Variants in RFX4 observed in about 807,000 individuals in gnomAD.
RFX4 encodes the protein transcription factor RFX4.
A neutral mutation model predicts 95.0 loss-of-function variants in RFX4; 10 were observed. That is an observed-to-expected ratio of 0.11 (90% confidence interval 0.06 to 0.18). The LOEUF is 0.18. Ranked by LOEUF, RFX4 falls within the 10% of genes least tolerant of loss-of-function variation. RFX4 has a pLI of 1.00. For synonymous variants in RFX4, 321 were observed against 340.7 expected, an observed-to-expected ratio of 0.94 and a Z score of 0.64; for missense variants, 640 against 922.0, an observed-to-expected ratio of 0.69 and a Z score of 3.96.
Position 106,711,331 on chromosome 12 carries a change from T to C in RFX4, c.935-122T>C, listed in dbSNP as rs2042187922. On this transcript the variant is annotated intron_variant, in intron 9 of 17. Transcript: ENST00000392842. ...TTGCCAGTGGGTACATAAAATGGGA[T>C]TGGGCAGTGAGATAAACGTAGGCAA... 5.0e-6 allele frequency: 4 copies of C among 802,718 alleles called. No individual in the cohort carries two copies. The Admixed American group carries it at 6.1e-5, about 12-fold the overall frequency. The allele number at this position is 802,718 out of a possible 1,614,324, so 49.7% of individuals were successfully genotyped here. A position where few individuals can be genotyped will look rare whatever the true frequency, so the allele number is the denominator to read the frequency against.
At chr12:106,628,357 A>C (rs988612062) in intron 2 of RFX4, among the ~76,000 whole-genome samples, 1 of 152,190 alleles carries the variant, frequency 6.6e-6, no homozygotes, top group African/African-American at 2.4e-5. Context: ...AGCACTTAAC[A>C]TAGTAGGGCC....
intron 2 of RFX4, among the ~76,000 whole-genome samples, chr12:106,628,829 G>A (rs570008628): frequency 1.4e-5 from 2 of 146,568 alleles, no homozygotes; most frequent in African/African-American, 2.5e-5. Flanking sequence ...GTGCCATCTC[G>A]GCTCACTGCA....
intron 1 of RFX4, among the ~76,000 whole-genome samples, chr12:106,605,722 T>A (rs1011195385): frequency 6.6e-6 from 1 of 152,092 alleles, no homozygotes; most frequent in East Asian, 1.9e-4. Context: ...ACAAATGTGG[T>A]TCTTTGATGG....
Position 106,599,834 on chromosome 12 carries a change from A to G in RFX4, c.44-8963A>G, listed in dbSNP as rs571359712. Among the ~76,000 whole-genome samples the G allele has an allele frequency of 3.9e-5, 6 of 152,090 alleles. No homozygotes were observed. In the East Asian group the frequency reaches 9.7e-4, roughly 25 times the overall value. On this transcript the variant is annotated intron_variant, in intron 1 of 17. Coordinates refer to ENST00000392842, the MANE Select transcript of RFX4 (RefSeq NM_213594.3). ...GGCTCAATCCTGGTTTATGCATGTG[A>G]TCCTGGCAAAATTATTAATAATATT...
chr12:106,684,317 C>T (rs999816415), intron 5 of RFX4, among the ~76,000 whole-genome samples: 5 of 152,078 alleles, frequency 3.3e-5, no homozygotes, highest in Non-Finnish European at 5.9e-5. Flanking sequence ...CAGTGAGCCA[C>T]GATTGCACCA....
chr12:106,640,883 T>C (rs971897084), intron 3 of RFX4, among the ~76,000 whole-genome samples: 10 of 150,348 alleles, frequency 6.7e-5, no homozygotes, highest in African/African-American at 2.5e-4. Flanking sequence ...TGGGTTCAAG[T>C]GATCCTCTTA....
At chr12:106,664,026 T>A (rs924847287) in intron 4 of RFX4, among the ~76,000 whole-genome samples, 2 of 151,882 alleles carry the variant, frequency 1.3e-5, no homozygotes, top group Non-Finnish European at 3.0e-5. Context: ...TAACTTTTTT[T>A]AATGCCTTTT....
intron 2 of RFX4, among the ~76,000 whole-genome samples, chr12:106,627,990 C>T (rs1051026503): frequency 6.6e-6 from 1 of 152,182 alleles, no homozygotes; most frequent in Non-Finnish European, 1.5e-5. Flanking sequence ...ATTGGATTGC[C>T]CCCATGGGGT....
chr12:106,630,526 C>A (rs1195549256), intron 2 of RFX4, among the ~76,000 whole-genome samples: 1 of 152,156 alleles, frequency 6.6e-6, no homozygotes, highest in Non-Finnish European at 1.5e-5. Flanking sequence ...AGTCACCCTG[C>A]TCATCAGCTG....
intron 10 of RFX4, among the ~76,000 whole-genome samples, chr12:106,713,291 A>G (rs2042225236): frequency 1.3e-5 from 2 of 152,222 alleles, no homozygotes; most frequent in African/African-American, 4.8e-5. Context: ...GTAAGTAAGC[A>G]CTTGGCATTC....
chr12:106,679,428 TGGGCAACAGAGTGG>T (rs1309792194), intron 4 of RFX4, among the ~76,000 whole-genome samples: 1 of 151,532 alleles, frequency 6.6e-6, no homozygotes, highest in Non-Finnish European at 1.5e-5. Flanking sequence ...CACTCCAGCC[TGGGCAACAGAGTGG>T]GGGCTCTGTC....
In RFX4 at chr12:106,686,940, A is replaced by G. The variant is rs1301242828; in HGVS notation, c.434A>G (p.Tyr145Cys). The G allele has an allele frequency of 1.9e-6, 3 of 1,613,296 alleles. No individual in the cohort carries two copies. The African/African-American group carries it at 4.0e-5, about 22-fold the overall frequency. ...KESSQYYDVMYSKKGAAWVSE... is the reference protein window; with the variant it reads ...KESSQYYDVMCSKKGAAWVSE... ...AGCTCCCAATATTATGATGTGATGT[A>G]TTCCAAGAAAGGAGCTGCCTGGGTG... is the stretch of plus-strand genomic sequence containing the variant. Residue 145 changes from tyrosine to cysteine, a missense_variant, in exon 6 of 18, where the codon TAT becomes TGT. Transcript: ENST00000392842.
intron 17 of RFX4, among the ~76,000 whole-genome samples, chr12:106,760,520 C>T (rs762041526): frequency 6.6e-6 from 1 of 152,198 alleles, no homozygotes; most frequent in Non-Finnish European, 1.5e-5. Flanking sequence ...ACTCCTTCCT[C>T]CACATTCACA....
chr12:106,590,954 A>G (rs117415332), intron 1 of RFX4, among the ~76,000 whole-genome samples: 3 of 152,248 alleles, frequency 2.0e-5, no homozygotes, highest in African/African-American at 7.2e-5. Context: ...CAAAGAAAAA[A>G]ATAAAAAAGA....
intron 7 of RFX4, among the ~76,000 whole-genome samples, chr12:106,694,281 G>A (rs1446913040): frequency 6.6e-6 from 1 of 152,140 alleles, no homozygotes; most frequent in Non-Finnish European, 1.5e-5. Context: ...CTTCCATCCT[G>A]TACTTCCACA....
At chr12:106,745,503 A>G (rs1769683851) in intron 15 of RFX4, among the ~76,000 whole-genome samples, 1 of 152,212 alleles carries the variant, frequency 6.6e-6, no homozygotes, top group Admixed American at 6.5e-5. Flanking sequence ...CTTCAAGGGT[A>G]TTCCTTACCG....
At chr12:106,741,040 T>G (rs781128099) in intron 15 of RFX4, among the ~76,000 whole-genome samples, 2 of 152,134 alleles carry the variant, frequency 1.3e-5, no homozygotes, top group Non-Finnish European at 2.9e-5. Context: ...AGAGGCTAGA[T>G]TATGCAGCAA....
chr12:106,748,066 A>T (rs2042928644), intron 16 of RFX4, among the ~76,000 whole-genome samples: 1 of 152,112 alleles, frequency 6.6e-6, no homozygotes, highest in Non-Finnish European at 1.5e-5. Flanking sequence ...AATCCCCACA[A>T]CAACCAGGGT....
intron 4 of RFX4, among the ~76,000 whole-genome samples, chr12:106,662,512 A>G (rs1488639128): frequency 1.3e-5 from 2 of 152,132 alleles, no homozygotes; most frequent in East Asian, 1.9e-4. Context: ...CCTGTGGCTT[A>G]TCTTCTCATT....
Sources: allele counts gnomAD v4.1 joint callset (sites outside exome capture counted in the v4.1 genomes callset), GRCh38; gene constraint gnomAD v4.1.1; transcripts MANE v1.5; gene names NCBI Gene and HGNC (gene_info 2026-07-23, HGNC 2026-07-21).